Variants in MIDEAS observed in about 807,000 individuals in gnomAD.
The protein encoded by MIDEAS is mitotic deacetylase-associated SANT domain protein.
MIDEAS carries 26 observed loss-of-function variants against 102.7 expected under a neutral mutation model. That is an observed-to-expected ratio of 0.25 (90% CI 0.19 to 0.35). The LOEUF (loss-of-function observed/expected upper bound fraction) is 0.35. MIDEAS is among the 10% of genes least tolerant of loss of function. MIDEAS has a pLI of 1.00. For missense variants in MIDEAS, 1,231 were observed against 1,435.6 expected (o/e 0.86, Z 2.30); for synonymous variants, 585 against 591.0 (o/e 0.99, Z 0.15).
chr14:73,767,144 C>A (rs2053599166), intron 1 of MIDEAS, among the ~76,000 whole-genome samples: 2 of 152,154 alleles, frequency 1.3e-5, no homozygotes, highest in South Asian at 4.1e-4. Context: ...CGTGAGCCAC[C>A]ACTCCTGGCC....
intron 1 of MIDEAS, among the ~76,000 whole-genome samples, chr14:73,756,285 T>C (rs1418923174): frequency 0.017 from 1,622 of 97,226 alleles, 32 homozygotes; most frequent in African/African-American, 0.061. Context: ...TGTGTGTGTG[T>C]GTGTGTGTGT....
At chr14:73,753,044 A>AT (rs1317973194) in intron 1 of MIDEAS, among the ~76,000 whole-genome samples, 1 of 152,188 alleles carries the variant, frequency 6.6e-6, no homozygotes, top group Admixed American at 6.5e-5. Context: ...AGAGGCTGGG[A>AT]TACCTTTAAG....
chr14:73,731,559 T>C (rs1282962008), intron 3 of MIDEAS, among the ~76,000 whole-genome samples: 1 of 152,218 alleles, frequency 6.6e-6, no homozygotes, highest in Non-Finnish European at 1.5e-5. Flanking sequence ...TGTAATGATT[T>C]GTAATTTTAT....
intron 4 of MIDEAS, 75 bp downstream of exon 4, chr14:73,729,565 C>G: frequency 8.1e-7 from 1 of 1,227,240 alleles, no homozygotes; most frequent in East Asian, 2.5e-5. Context: ...CCCCAGCAGC[C>G]CCACAGGCTG....
intron 1 of MIDEAS, among the ~76,000 whole-genome samples, chr14:73,743,381 G>A (rs547360112): frequency 6.6e-6 from 1 of 152,314 alleles, no homozygotes; most frequent in South Asian, 2.1e-4. Context: ...GTCAGCAGAT[G>A]TGTGAGGTCT....
In MIDEAS at chr14:73,725,073, A is replaced by G. The variant is rs1427200449; in HGVS notation, c.2574+199T>C. 3.9e-6 allele frequency: 2 copies of G among 509,206 alleles called. No individual in the cohort carries two copies. The highest frequency in any genetic ancestry group is 1.9e-5 in the African/African-American group (1 of 51,564). 31.5% of individuals were successfully genotyped at this position (509,206 alleles called of 1,614,324 possible). A position where few individuals can be genotyped will look rare whatever the true frequency, so the allele number is the denominator to read the frequency against. The stretch of plus-strand genomic sequence containing the variant: ...AGCTTGGCCACCCTACCCTGAAGTG[A>G]GGAAAGGATGCTTAGAACCAAAAGG... On this transcript the variant is annotated intron_variant, in intron 9 of 12. Transcript: ENST00000423556. This position sits in a 1 kb window ranked among gnomAD's most constrained non-coding sequence, Gnocchi z 4.1.
In MIDEAS at chr14:73,739,238, C is replaced by CTGCTGT. The variant is rs1555343650; in HGVS notation, c.770_771insACAGCA (p.Gln261_Gln262dup). Reference sequence around the variant, plus strand: ...GTAGGGCTGCCTGCTGCTGCTGCTGCTGCTGCTGTGGTTGCTGCTGCTGCT... The same window carrying CTGCTGT: ...GTAGGGCTGCCTGCTGCTGCTGCTGCTGCTGTTGCTGCTGTGGTTGCTGCTGCTGCT... On this transcript the variant is annotated inframe_insertion, in exon 2 of 13. Transcript: ENST00000423556. 5 of 1,612,338 alleles carry CTGCTGT rather than the reference C, an allele frequency of 3.1e-6. No individual in the cohort carries two copies. The Admixed American group carries it at 8.4e-5, about 27-fold the overall frequency.
intron 2 of MIDEAS, among the ~76,000 whole-genome samples, chr14:73,737,773 CTTTTTT>C (rs5809628): frequency 2.2e-5 from 2 of 89,206 alleles, no homozygotes; most frequent in African/African-American, 7.5e-5. Context: ...TCTCCGACCA[CTTTTTT>C]TTTTTTTTTT....
chr14:73,769,850 T>C (rs2053626072), intron 1 of MIDEAS, among the ~76,000 whole-genome samples: 1 of 151,494 alleles, frequency 6.6e-6, no homozygotes, highest in African/African-American at 2.4e-5. Context: ...TCTGCCCGCC[T>C]CGGCCTCCCA....
At chr14:73,719,223 C>CCCCCGG in intron 12 of MIDEAS, 82 bp downstream of exon 12, 3 of 1,205,158 alleles carry the variant, frequency 2.5e-6, no homozygotes, top group Non-Finnish European at 3.4e-6. Context: ...TGTACCTCTT[C>CCCCCGG]CCCCTCCCCT....
At chr14:73,779,496 C>T (rs1301958914) in intron 1 of MIDEAS, among the ~76,000 whole-genome samples, 4 of 150,800 alleles carry the variant, frequency 2.7e-5, no homozygotes, top group South Asian at 2.1e-4. Context: ...TACCTGGTGC[C>T]CTCCTAATAT....
chr14:73,721,341 C>G lies in MIDEAS; in HGVS notation c.2893G>C (p.Ala965Pro). ...QEEGRERSRRAAAVKATQTLQ... is the reference protein window; with the variant it reads ...QEEGRERSRRPAAVKATQTLQ... ...GTCTGCGTGGCTTTGACTGCCGCTG[C>G]CCGCCTGCTGCGCTCTCGCCCCTCT... The change falls in exon 11 of 13, where the codon GCA becomes CCA. Residue 965 changes from alanine to proline, a missense_variant. Ala to Pro is a conservative substitution (Grantham distance 27, BLOSUM62 -1). This residue lies in a region of MIDEAS where 391 missense variants were observed against 483.0 expected (regional missense o/e 0.81). Coordinates refer to ENST00000423556, the MANE Select transcript of MIDEAS (RefSeq NM_001367710.1). 3.1e-6 allele frequency: 5 copies of G among 1,613,990 alleles called. No individual in the cohort carries two copies. The highest frequency in any genetic ancestry group is 4.2e-6 in the Non-Finnish European group (5 of 1,180,032).
At chr14:73,769,638 A>G (rs549693113) in intron 1 of MIDEAS, among the ~76,000 whole-genome samples, 117 of 152,036 alleles carry the variant, frequency 7.7e-4, no homozygotes, top group Middle Eastern at 3.4e-3. Context: ...GTCTCACTCT[A>G]TTGCCCAGGC....
chr14:73,715,980 A>AG lies in MIDEAS; in HGVS notation c.*2862dup, dbSNP rs2140084904. On this transcript the variant is annotated 3_prime_UTR_variant, in exon 13 of 13. Transcript: ENST00000423556. ...AGAAATGGTCTGCAACACAGGCACTAGGTCAGTTTCCCGCCCTTAGCTGAA... is the reference window on the plus strand; with the variant it reads ...AGAAATGGTCTGCAACACAGGCACTAGGGTCAGTTTCCCGCCCTTAGCTGAA... The AG allele has an allele frequency of 6.6e-6, 1 of 152,492 alleles. No individual in the cohort carries two copies. Among genetic ancestry groups the AG allele is most frequent in the South Asian group, 2.1e-4 (1 of 4,824 alleles). The allele number at this position is 152,492 out of a possible 1,614,324, so 9.4% of individuals were successfully genotyped here. A position where few individuals can be genotyped will look rare whatever the true frequency, so the allele number is the denominator to read the frequency against.
chr14:73,741,370 T>C (rs1393001331), intron 1 of MIDEAS, among the ~76,000 whole-genome samples: 1 of 152,204 alleles, frequency 6.6e-6, no homozygotes, highest in Non-Finnish European at 1.5e-5. Flanking sequence ...TTTTGTTTTT[T>C]TCCTGGGAAG....
At chr14:73,746,070 G>A (rs1373326327) in intron 1 of MIDEAS, among the ~76,000 whole-genome samples, 1 of 152,228 alleles carries the variant, frequency 6.6e-6, no homozygotes, top group Non-Finnish European at 1.5e-5. Context: ...AGCTTACACA[G>A]TAAAAATGCC....
intron 3 of MIDEAS, among the ~76,000 whole-genome samples, chr14:73,730,815 G>A (rs754702333): frequency 3.9e-5 from 6 of 152,118 alleles, no homozygotes; most frequent in East Asian, 1.9e-4. Context: ...AAAATTAGCC[G>A]GGCATGGTGG....
chr14:73,764,212 C>T (rs2053574884), upstream of MIDEAS, among the ~76,000 whole-genome samples: 3 of 151,716 alleles, frequency 2.0e-5, no homozygotes, highest in East Asian at 3.9e-4. Context: ...TGATGGCGCA[C>T]GTCTGTAGTC....
At chr14:73,731,774 G>C (rs1243038958) in intron 3 of MIDEAS, among the ~76,000 whole-genome samples, 1 of 152,210 alleles carries the variant, frequency 6.6e-6, no homozygotes, top group Non-Finnish European at 1.5e-5. Context: ...AGAGGCACAG[G>C]TGAAACAAGA....
Sources: allele counts gnomAD v4.1 joint callset (sites outside exome capture counted in the v4.1 genomes callset), GRCh38; gene constraint gnomAD v4.1.1; regional missense constraint gnomAD v4.1.1; non-coding constraint Gnocchi (gnomAD v3.1); transcripts MANE v1.5; gene names NCBI Gene and HGNC (gene_info 2026-07-23, HGNC 2026-07-21).